The following ITGBL1 variants were observed in gnomAD, a reference collection of about 807,000 sequenced individuals.
ITGBL1 encodes the protein integrin subunit beta like 1, also known as integrin beta-like protein 1.
A neutral mutation model predicts 68.5 loss-of-function variants in ITGBL1; 51 were observed. The ratio of observed to expected loss-of-function variants is 0.74; its 90% CI spans 0.59 to 0.94. The LOEUF is 0.94. ITGBL1 is among the 40% of genes least tolerant of loss of function. The pLI is 0.00. For synonymous variants in ITGBL1, 209 were observed against 227.3 expected (o/e 0.92, Z 0.72); for missense variants, 649 against 647.4 (o/e 1.00, Z -0.03).
chr13:101,543,845 C>T (rs962696085), intron 2 of ITGBL1, among the ~76,000 whole-genome samples: 5 of 152,200 alleles, frequency 3.3e-5, no homozygotes, highest in East Asian at 1.9e-4. Context: ...TTGATCAAAT[C>T]GGCTACTGAG....
intron 7 of ITGBL1, among the ~76,000 whole-genome samples, chr13:101,630,146 C>G (rs1382026591): frequency 6.6e-6 from 1 of 152,090 alleles, no homozygotes; most frequent in South Asian, 2.1e-4. Context: ...GTTAAAATTT[C>G]AAAGTAAATT....
In ITGBL1 at chr13:101,454,073, G is replaced by A. The variant is rs1227038637; in HGVS notation, c.289G>A (p.Glu97Lys). 1.3e-6 allele frequency: 2 copies of A among 1,585,148 alleles called. No homozygotes were observed. The highest frequency in any genetic ancestry group is 1.2e-5 in the South Asian group (1 of 85,948). ...GTGTGAGTGCCATGAGTGGGTGTGC[G>A]AGACCTACGACGGGAGCACCTGTGC... ...PLCECHEWVC[E>K]TYDGSTCAGH... is the part of the protein sequence containing the mutation. The change falls in exon 2 of 11, where the codon GAG becomes AAG. Residue 97 changes from glutamate to lysine, a missense_variant. Glu to Lys is a moderately conservative substitution (Grantham distance 56). Transcript: ENST00000376180.
chr13:101,517,052 C>G (rs1023002440), intron 2 of ITGBL1, among the ~76,000 whole-genome samples: 1 of 152,134 alleles, frequency 6.6e-6, no homozygotes, highest in African/African-American at 2.4e-5. Flanking sequence ...TCCTTGGTCA[C>G]TAGGGAGAAA....
rs147648941 is a variant in ITGBL1, at chr13:101,622,532, T to G, written c.1015+24233T>G. Among the ~76,000 whole-genome samples the G allele has an allele frequency of 6.4e-3, 971 of 152,268 alleles. 9 individuals carry two copies. The highest frequency in any genetic ancestry group is 0.037 in the Middle Eastern group (11 of 294). ...CGCACTTTTAGTTTTGTATTTGCCG[T>G]TTACTATAATTATTTGTTGGTGTTG... On this transcript the variant is annotated intron_variant, in intron 7 of 10. Transcript: ENST00000376180.
At chr13:101,576,476 A>C (rs980986478) in intron 4 of ITGBL1, among the ~76,000 whole-genome samples, 2 of 151,694 alleles carry the variant, frequency 1.3e-5, no homozygotes, top group African/African-American at 2.4e-5. Context: ...GGTTTAGGTA[A>C]ATTTTTCTCT....
intron 7 of ITGBL1, among the ~76,000 whole-genome samples, chr13:101,662,058 G>A (rs73558011): frequency 0.017 from 2,642 of 152,192 alleles, 82 homozygotes; most frequent in African/African-American, 0.058. Flanking sequence ...TTAAAGCATC[G>A]AACTGCTTAG....
intron 7 of ITGBL1, among the ~76,000 whole-genome samples, chr13:101,631,991 G>T (rs1451619462): frequency 1.3e-5 from 2 of 151,958 alleles, no homozygotes; most frequent in Non-Finnish European, 2.9e-5. Flanking sequence ...TTGGGTTGAT[G>T]AAGATTTATA....
At chr13:101,475,297 G>A (rs1285868324) in intron 2 of ITGBL1, among the ~76,000 whole-genome samples, 1 of 152,068 alleles carries the variant, frequency 6.6e-6, no homozygotes, top group African/African-American at 2.4e-5. Flanking sequence ...TTGACATACT[G>A]AAGAATGCAT....
At chr13:101,508,723 T>C (rs1426653703) in intron 2 of ITGBL1, among the ~76,000 whole-genome samples, 1 of 152,192 alleles carries the variant, frequency 6.6e-6, no homozygotes, top group East Asian at 1.9e-4. Context: ...GTCAAATCAA[T>C]TGATTTTTTA....
chr13:101,586,695 T>A (rs533588173), intron 6 of ITGBL1, among the ~76,000 whole-genome samples: 5 of 152,350 alleles, frequency 3.3e-5, no homozygotes, highest in Admixed American at 2.0e-4. Flanking sequence ...AGTTTTACTT[T>A]ATTTTTCTGA....
chr13:101,675,672 C>A (rs547246711), intron 7 of ITGBL1, among the ~76,000 whole-genome samples: 2 of 152,250 alleles, frequency 1.3e-5, no homozygotes, highest in South Asian at 4.1e-4. Context: ...GTAATTAGGA[C>A]TTCAACATAT....
At chr13:101,482,048 AAAG>A (rs1353038995) in intron 2 of ITGBL1, among the ~76,000 whole-genome samples, 1 of 152,188 alleles carries the variant, frequency 6.6e-6, no homozygotes, top group African/African-American at 2.4e-5. Context: ...AGTGGGGGCC[AAAG>A]AAGACATCAA....
chr13:101,538,505 A>C (rs997933767), intron 2 of ITGBL1, among the ~76,000 whole-genome samples: 1 of 152,156 alleles, frequency 6.6e-6, no homozygotes, highest in African/African-American at 2.4e-5. Context: ...CTATAAGGCC[A>C]TATCTATGAA....
At chr13:101,543,992 G>A (rs2049765975) in intron 2 of ITGBL1, among the ~76,000 whole-genome samples, 1 of 152,124 alleles carries the variant, frequency 6.6e-6, no homozygotes, top group African/African-American at 2.4e-5. Flanking sequence ...TTTGCCATGG[G>A]TTCGAACTTC....
intron 7 of ITGBL1, among the ~76,000 whole-genome samples, chr13:101,604,955 TGTATATGTATATATAC>T (rs2030644729): frequency 9.4e-5 from 1 of 10,628 alleles, no homozygotes; most frequent in Non-Finnish European, 4.5e-4. Context: ...TGTGTACATG[TGTATATGTATATATAC>T]ATATATGCGT....
intron 7 of ITGBL1, among the ~76,000 whole-genome samples, chr13:101,615,795 T>TATA (rs1324544002): frequency 6.6e-6 from 1 of 151,794 alleles, no homozygotes; most frequent in Non-Finnish European, 1.5e-5. Flanking sequence ...TAAAAGTAAT[T>TATA]ATAATAATAA....
intron 7 of ITGBL1, among the ~76,000 whole-genome samples, chr13:101,635,019 T>G (rs946692838): frequency 2.7e-5 from 3 of 110,190 alleles, no homozygotes; most frequent in Non-Finnish European, 5.5e-5. Context: ...TCGAATTTCC[T>G]TTTTTTTTAG....
chr13:101,699,227 C>A (rs148902507), intron 8 of ITGBL1, among the ~76,000 whole-genome samples: 9 of 152,330 alleles, frequency 5.9e-5, no homozygotes, highest in African/African-American at 2.2e-4. Context: ...CTGTGTTTGG[C>A]TGAAGGTGAT....
chr13:101,452,699 G>A lies in ITGBL1; in HGVS notation c.-135G>A, dbSNP rs939169543. On this transcript the variant is annotated 5_prime_UTR_variant, in exon 1 of 11. Coordinates refer to ENST00000376180, the MANE Select transcript of ITGBL1 (RefSeq NM_004791.3). ...CAATTGCAACTCCGGCTGGAGCCCC[G>A]GACCTGCAAGCCTGGGTGTCCGTGG... 2 of 689,762 alleles carry A rather than the reference G, an allele frequency of 2.9e-6. No individual in the cohort carries two copies. The highest frequency in any genetic ancestry group is 1.7e-5 in the South Asian group (1 of 59,340). The allele number at this position is 689,762 out of a possible 1,614,324, so 42.7% of individuals were successfully genotyped here. A position where few individuals can be genotyped will look rare whatever the true frequency, so the allele number is the denominator to read the frequency against.
Sources: allele counts gnomAD v4.1 joint callset (sites outside exome capture counted in the v4.1 genomes callset), GRCh38; gene constraint gnomAD v4.1.1; transcripts MANE v1.5; gene names NCBI Gene and HGNC (gene_info 2026-07-23, HGNC 2026-07-21).